XKR4: variants seen among roughly 807,000 people sequenced by gnomAD.
XKR4 encodes the protein XK related 4.
A neutral mutation model predicts 53.9 loss-of-function variants in XKR4; 12 were observed. The ratio of observed to expected loss-of-function variants is 0.22; its 90% CI spans 0.14 to 0.36. The LOEUF (loss-of-function observed/expected upper bound fraction) is 0.36. Among genes scored for constraint, XKR4 ranks in the 10% least tolerant of loss-of-function variants. The probability of loss-of-function intolerance (pLI) is 1.00; values close to 1 mark genes in which losing one functional copy is unlikely to be tolerated. For missense variants in XKR4, 799 were observed against 859.5 expected, an observed-to-expected ratio of 0.93 and a Z score of 0.88; for synonymous variants, 354 against 362.4, an observed-to-expected ratio of 0.98 and a Z score of 0.26.
chr8:55,427,674 G>A (rs1377717029), intron 2 of XKR4, among the ~76,000 whole-genome samples: 1 of 152,228 alleles, frequency 6.6e-6, no homozygotes, highest in East Asian at 1.9e-4. Flanking sequence ...ATTTTAGAAA[G>A]ACTTGTTCTT....
At chr8:55,414,359 G>A (rs1486066551) in intron 2 of XKR4, among the ~76,000 whole-genome samples, 1 of 152,008 alleles carries the variant, frequency 6.6e-6, no homozygotes, top group African/African-American at 2.4e-5. Flanking sequence ...AAAAGTAATA[G>A]CATTGAGTTT....
chr8:55,376,954 TCA>T (rs59737150), intron 2 of XKR4, among the ~76,000 whole-genome samples: 233 of 145,506 alleles, frequency 1.6e-3, no homozygotes, highest in Admixed American at 3.8e-3. Flanking sequence ...AAACACACAC[TCA>T]CACACACACA....
rs1268425684 is a variant in XKR4 at position 55,102,211 on chromosome 8, G to A, written c.-278G>A. 6.8e-6 allele frequency among the ~76,000 whole-genome samples: 1 copy of A among 146,208 alleles called. No individual in the cohort carries two copies. The highest frequency in any genetic ancestry group is 6.8e-5 in the Admixed American group (1 of 14,728). ...GGGACGGCGAGGAGCGCGGGCGGCG[G>A]GCAGGGGCGCGCGCGGGGCGCCGCG... On this transcript the variant is annotated 5_prime_UTR_variant, in exon 1 of 3. Transcript: ENST00000327381. This position sits in a 1 kb window ranked among gnomAD's most constrained non-coding sequence, Gnocchi z 5.1.
At chr8:55,385,013 T>TC in intron 2 of XKR4, among the ~76,000 whole-genome samples, 1 of 152,282 alleles carries the variant, frequency 6.6e-6, no homozygotes, top group African/African-American at 2.4e-5. Flanking sequence ...TAGTGTAGCC[T>TC]CTTTTTTTCA....
intron 1 of XKR4, among the ~76,000 whole-genome samples, chr8:55,255,549 A>G (rs910204454): frequency 6.6e-6 from 1 of 152,172 alleles, no homozygotes; most frequent in Admixed American, 6.5e-5. Context: ...AGTGATGCTT[A>G]GGCATAAAGA....
At chr8:55,467,242 T>G (rs1395505169) in intron 2 of XKR4, among the ~76,000 whole-genome samples, 1 of 152,136 alleles carries the variant, frequency 6.6e-6, no homozygotes, top group African/African-American at 2.4e-5. Context: ...GGACAGCATC[T>G]GTTCCTGCTT....
At chr8:55,489,977 C>A (rs765852335) in intron 2 of XKR4, among the ~76,000 whole-genome samples, 1 of 152,102 alleles carries the variant, frequency 6.6e-6, no homozygotes, top group Non-Finnish European at 1.5e-5. Flanking sequence ...GTGTTATAAA[C>A]CCCCATGGTA....
At chr8:55,278,176 A>T (rs931135169) in intron 1 of XKR4, among the ~76,000 whole-genome samples, 6 of 152,106 alleles carry the variant, frequency 3.9e-5, no homozygotes, top group Non-Finnish European at 7.4e-5. Flanking sequence ...CCCTACTAAA[A>T]ATCGAAAAAA....
In XKR4 at chr8:55,501,814, C is replaced by T. The variant is rs531120370; in HGVS notation, c.1007-21467C>T. Among the ~76,000 whole-genome samples, 9 of 152,086 alleles carry T rather than the reference C, an allele frequency of 5.9e-5. No individual in the cohort carries two copies. The East Asian group carries it at 1.4e-3, about 23-fold the overall frequency. On this transcript the variant is annotated intron_variant, in intron 2 of 2. Coordinates refer to ENST00000327381, the MANE Select transcript of XKR4 (RefSeq NM_052898.2). The stretch of plus-strand genomic sequence containing the variant: ...TGGGTGAACAAATATCTTTTTGAGT[C>T]CCTGCTTTCAGTTCTTTTGGGTATA...
chr8:55,255,205 GGGTTT>G (rs1391657156), intron 1 of XKR4, among the ~76,000 whole-genome samples: 1 of 152,122 alleles, frequency 6.6e-6, no homozygotes, highest in Non-Finnish European at 1.5e-5. Flanking sequence ...AGAGTGCCTG[GGGTTT>G]GGAAATCTGT....
intron 1 of XKR4, among the ~76,000 whole-genome samples, chr8:55,118,336 T>C (rs1816338085): frequency 6.6e-6 from 1 of 152,228 alleles, no homozygotes. Flanking sequence ...ATTTTGTATG[T>C]AGTCATGCTT....
chr8:55,337,824 T>A (rs1803484384), intron 1 of XKR4, among the ~76,000 whole-genome samples: 1 of 152,240 alleles, frequency 6.6e-6, no homozygotes, highest in African/African-American at 2.4e-5. Context: ...GTGGTCCTTT[T>A]GAGAACAGGA....
At chr8:55,168,723 A>G (rs1439549956) in intron 1 of XKR4, among the ~76,000 whole-genome samples, 2 of 152,216 alleles carry the variant, frequency 1.3e-5, no homozygotes, top group Non-Finnish European at 2.9e-5. Context: ...ATACTTTTAG[A>G]GATGTTTCAA....
intron 2 of XKR4, among the ~76,000 whole-genome samples, chr8:55,409,449 G>A (rs752793043): frequency 6.6e-6 from 1 of 152,174 alleles, no homozygotes; most frequent in Non-Finnish European, 1.5e-5. Flanking sequence ...TAAATGAAGA[G>A]GCATAATGTG....
chr8:55,222,639 A>G (rs929285343), intron 1 of XKR4, among the ~76,000 whole-genome samples: 1 of 152,230 alleles, frequency 6.6e-6, no homozygotes, highest in Non-Finnish European at 1.5e-5. Context: ...TGAAAGATCC[A>G]TAAAGGTAGA....
At chr8:55,466,552 G>T (rs1372292486) in intron 2 of XKR4, among the ~76,000 whole-genome samples, 1 of 152,006 alleles carries the variant, frequency 6.6e-6, no homozygotes, top group African/African-American at 2.4e-5. Context: ...AAGTTAATGA[G>T]TGCAGCACAC....
intron 1 of XKR4, among the ~76,000 whole-genome samples, chr8:55,216,969 G>A (rs547326288): frequency 9.9e-5 from 15 of 151,170 alleles, no homozygotes; most frequent in East Asian, 3.9e-4. Context: ...CTTGCCAGGC[G>A]CAGTGGCTTA....
intron 2 of XKR4, among the ~76,000 whole-genome samples, chr8:55,459,021 C>T (rs1805610572): frequency 6.6e-6 from 1 of 152,110 alleles, no homozygotes; most frequent in Non-Finnish European, 1.5e-5. Flanking sequence ...AATTTTGATA[C>T]TAACCATAAA....
chr8:55,453,764 T>A (rs118112973), intron 2 of XKR4: 1 of 394,738 alleles, frequency 2.5e-6, no homozygotes, highest in East Asian at 6.3e-5. Flanking sequence ...CTTGCAGAGC[T>A]GCTCTACCAG....
Sources: gnomAD v4.1 joint callset for allele counts (sites outside exome capture counted in the v4.1 genomes callset) on GRCh38, gnomAD v4.1.1 for gene constraint, Gnocchi (gnomAD v3.1) non-coding constraint, MANE v1.5 for transcripts, NCBI Gene and HGNC (gene_info 2026-07-23, HGNC 2026-07-21) for gene names.